The following UBE2A variants were observed in gnomAD, a reference collection of about 807,000 sequenced individuals.
UBE2A encodes ubiquitin-conjugating enzyme E2 A.
For missense variants in UBE2A, 27 were observed against 125.8 expected (o/e 0.21, Z 3.76); for synonymous variants, 39 against 41.1 (o/e 0.95, Z 0.20).
intron 3 of UBE2A, 106 bp downstream of exon 3, chrX:119,575,506 G>C (rs755104356): frequency 2.9e-6 from 3 of 1,039,147 alleles, no homozygotes; most frequent in Non-Finnish European, 4.0e-6. Flanking sequence ...CCTCTGCCTA[G>C]CCTCTGTCTG....
intron 3 of UBE2A, among the ~76,000 whole-genome samples, chrX:119,577,661 A>G (rs111560538): frequency 0.032 from 1,491 of 46,356 alleles, 19 homozygotes; most frequent in Middle Eastern, 0.077. Flanking sequence ...TTTTTTTGAG[A>G]TGGAGTTTTG....
chrX:119,577,635 CT>C (rs11380086), intron 3 of UBE2A, among the ~76,000 whole-genome samples: 3,756 of 56,493 alleles, frequency 0.066, 45 homozygotes, highest in Non-Finnish European at 0.087. Flanking sequence ...AAAATTTTAG[CT>C]TTTTTTTTTT....
chrX:119,578,054 A>G (rs2053429679), intron 3 of UBE2A, among the ~76,000 whole-genome samples: 1 of 111,638 alleles, frequency 9.0e-6, no homozygotes, highest in Non-Finnish European at 1.9e-5. Flanking sequence ...GTATTATGTT[A>G]TTAATTAAGA....
chrX:119,578,020 A>G (rs776142211), intron 3 of UBE2A, among the ~76,000 whole-genome samples: 42 of 111,528 alleles, frequency 3.8e-4, no homozygotes, highest in Non-Finnish European at 4.5e-4. Flanking sequence ...GATAAGTGGC[A>G]TAGTTGATTT....
chrX:119,579,821 C>G (rs1267357331), intron 3 of UBE2A, among the ~76,000 whole-genome samples: 1 of 112,135 alleles, frequency 8.9e-6, no homozygotes, highest in African/African-American at 3.2e-5. Context: ...AGTTTTAGAG[C>G]AGTGTCTCTT....
intron 2 of UBE2A, 194 bp downstream of exon 2, chrX:119,575,175 C>G (rs2053407122): frequency 1.3e-6 from 1 of 748,069 alleles, no homozygotes; most frequent in Admixed American, 2.7e-5. Flanking sequence ...GCTTGGGGTT[C>G]TAGGGGGGCG....
At chrX:119,576,930 T>G (rs1226017310) in intron 3 of UBE2A, 2 of 112,076 alleles carry the variant, frequency 1.8e-5, no homozygotes, top group Non-Finnish European at 3.8e-5. Context: ...TGTTTTTTGT[T>G]TTTGTTTTTT....
intron 3 of UBE2A, chrX:119,580,575 G>A (rs2053443729): frequency 8.9e-6 from 1 of 112,096 alleles, no homozygotes; most frequent in East Asian, 2.8e-4. Context: ...GCTCAATTGT[G>A]TTCTTCAATT....
At chrX:119,582,746 A>G in intron 5 of UBE2A, 70 bp downstream of exon 5, 1 of 870,539 alleles carries the variant, frequency 1.1e-6, no homozygotes, top group Non-Finnish European at 1.7e-6. Context: ...ATTGTTTTTG[A>G]AAGTCATAAT....
At chrX:119,574,803 G>A (rs1399366306) in intron 1 of UBE2A, 48 bp downstream of exon 1, 6 of 1,188,319 alleles carry the variant, frequency 5.0e-6, no homozygotes, top group Non-Finnish European at 6.8e-6. Context: ...CTGGGGCACA[G>A]GGCGGGTCCC....
At chrX:119,577,306 T>G (rs1045411724) in intron 3 of UBE2A, among the ~76,000 whole-genome samples, 1 of 112,026 alleles carries the variant, frequency 8.9e-6, no homozygotes, top group Non-Finnish European at 1.9e-5. Context: ...TTTCATTGGC[T>G]TCTTTTTTCC....
In UBE2A at chrX:119,583,368, G is replaced by A; in HGVS notation, c.*113G>A. On this transcript the variant is annotated 3_prime_UTR_variant, in exon 6 of 6. Coordinates refer to ENST00000371558, the MANE Select transcript of UBE2A (RefSeq NM_003336.4). ...TTATTAAAAGCAAAATAACTGTTGT[G>A]CTGTTTCCATCTTCCTTGCCAAGTT... The A allele has an allele frequency of 9.1e-7, 1 of 1,101,232 alleles. No homozygotes were observed. The highest frequency in any genetic ancestry group is 1.2e-6 in the Non-Finnish European group (1 of 804,433). The allele number at this position is 1,101,232 out of a possible 1,213,427, so 90.8% of individuals were successfully genotyped here. A position where few individuals can be genotyped will look rare whatever the true frequency, so the allele number is the denominator to read the frequency against.
rs923608848 is a variant in UBE2A, at chrX:119,575,790, C to A, written c.151+390C>A. ...GAGACCATCTGGTTCAGAATTCTAC[C>A]CCAAGGGCAGGAGTTGTGTTCAGCA... On this transcript the variant is annotated intron_variant, in intron 3 of 5. Transcript: ENST00000371558. The A allele has an allele frequency of 1.7e-5, 3 of 177,684 alleles. No homozygotes were observed. The South Asian group carries it at 3.1e-4, about 19-fold the overall frequency. The allele number at this position is 177,684 out of a possible 1,213,427, so 14.6% of individuals were successfully genotyped here. A position where few individuals can be genotyped will look rare whatever the true frequency, so the allele number is the denominator to read the frequency against.
intron 4 of UBE2A, 32 bp downstream of exon 4, chrX:119,581,628 C>T: frequency 9.6e-7 from 1 of 1,044,188 alleles, no homozygotes; most frequent in Non-Finnish European, 1.3e-6. Context: ...GTGTTTTAAA[C>T]TACTATAGTG....
rs759889757 is a variant in UBE2A, at chrX:119,583,266, A to G, written c.*11A>G. ...TGGCGTGATTGTTGACCCCGGGTAC[A>G]GTTTAAAGAAGCTGGCCATAAGAAA... On this transcript the variant is annotated 3_prime_UTR_variant, in exon 6 of 6. Coordinates refer to ENST00000371558, the MANE Select transcript of UBE2A (RefSeq NM_003336.4). 5.0e-4 allele frequency: 599 copies of G among 1,209,836 alleles called. 7 individuals carry two copies. The South Asian group carries it at 9.8e-3, about 20-fold the overall frequency.
Position 119,583,366 on chromosome X carries a change from G to T in UBE2A, c.*111G>T, listed in dbSNP as rs1174560032. The stretch of plus-strand genomic sequence containing the variant: ...CTTTATTAAAAGCAAAATAACTGTT[G>T]TGCTGTTTCCATCTTCCTTGCCAAG... On this transcript the variant is annotated 3_prime_UTR_variant, in exon 6 of 6. Coordinates refer to ENST00000371558, the MANE Select transcript of UBE2A (RefSeq NM_003336.4). 2 of 1,104,836 alleles carry T rather than the reference G, an allele frequency of 1.8e-6. No homozygotes were observed. Among genetic ancestry groups the T allele is most frequent in the Non-Finnish European group, 2.5e-6 (2 of 808,176 alleles). 91.1% of individuals were successfully genotyped at this position (1,104,836 alleles called of 1,213,427 possible). A position where few individuals can be genotyped will look rare whatever the true frequency, so the allele number is the denominator to read the frequency against.
At position 119,583,799 on chromosome X, in the gene UBE2A, C is replaced by T. The variant is rs1018964994; in HGVS notation, c.*544C>T. The T allele has an allele frequency of 6.8e-5, 8 of 117,105 alleles. No homozygotes were observed. The highest frequency in any genetic ancestry group is 1.7e-4 in the Admixed American group (2 of 11,435). 9.7% of individuals were successfully genotyped at this position (117,105 alleles called of 1,213,427 possible). A position where few individuals can be genotyped will look rare whatever the true frequency, so the allele number is the denominator to read the frequency against. On this transcript the variant is annotated 3_prime_UTR_variant, in exon 6 of 6. Coordinates refer to ENST00000371558, the MANE Select transcript of UBE2A (RefSeq NM_003336.4). ...AAGATCTCAGTCATATGAATTACAA[C>T]GTAGTATTTACTGGCAAGAAGGAGA...
Position 119,582,577 on chromosome X carries a change from T to G in UBE2A, c.242-11T>G. 3 of 1,191,320 alleles carry G rather than the reference T, an allele frequency of 2.5e-6. No individual in the cohort carries two copies. Among genetic ancestry groups the G allele is most frequent in the Non-Finnish European group, 3.4e-6 (3 of 877,527 alleles). Reference sequence around the variant, plus strand: ...TTGTTACGTTTAATGTACCTACTTCTTTGTTCTTAGTCTATGCAGATGGTA... The same window carrying G: ...TTGTTACGTTTAATGTACCTACTTCGTTGTTCTTAGTCTATGCAGATGGTA... On this transcript the variant is annotated splice_polypyrimidine_tract_variant and intron_variant, in intron 4 of 5. Coordinates refer to ENST00000371558, the MANE Select transcript of UBE2A (RefSeq NM_003336.4).
Position 119,584,143 on chromosome X carries a change from C to G in UBE2A, c.*888C>G, listed in dbSNP as rs190671903. 4.9e-3 allele frequency: 551 copies of G among 112,515 alleles called. 1 individual carries two copies. Among genetic ancestry groups the G allele is most frequent in the Non-Finnish European group, 8.2e-3 (437 of 53,216 alleles). 9.3% of individuals were successfully genotyped at this position (112,515 alleles called of 1,213,427 possible). ...CATATCTGTGGCAAACTATTTTCCA[C>G]TCAAATCCTGAGTTATTGCTGCATG... On this transcript the variant is annotated 3_prime_UTR_variant, in exon 6 of 6. Transcript: ENST00000371558.
Sources: allele counts gnomAD v4.1 joint callset (sites outside exome capture counted in the v4.1 genomes callset), GRCh38; gene constraint gnomAD v4.1.1; transcripts MANE v1.5; gene names NCBI Gene and HGNC (gene_info 2026-07-23, HGNC 2026-07-21).